The following CACNA2D3 variants were observed in gnomAD, a reference collection of about 807,000 sequenced individuals.
CACNA2D3 encodes the protein calcium voltage-gated channel auxiliary subunit alpha2delta 3.
Under a neutral mutation model 160.6 loss-of-function variants are expected in CACNA2D3, and 60 were observed. That is an observed-to-expected ratio of 0.37 (90% CI 0.30 to 0.46). The LOEUF is 0.46. Among genes scored for constraint, CACNA2D3 ranks in the 20% least tolerant of loss-of-function variants. The pLI is 1.00. For synonymous variants in CACNA2D3, 558 were observed against 492.9 expected (o/e 1.13, Z -1.75); for missense variants, 1,205 against 1,365.0 (o/e 0.88, Z 1.85).
At chr3:54,763,812 C>CAT (rs10606589) in intron 12 of CACNA2D3, among the ~76,000 whole-genome samples, 5 of 41,864 alleles carry the variant, frequency 1.2e-4, no homozygotes, top group East Asian at 1.4e-3. Context: ...CATATATATA[C>CAT]ATATATATAT....
At chr3:54,948,227 A>G (rs577517737) in intron 27 of CACNA2D3, among the ~76,000 whole-genome samples, 1 of 152,312 alleles carries the variant, frequency 6.6e-6, no homozygotes, top group East Asian at 1.9e-4. Context: ...TTGACTAGAA[A>G]AGTATGTGTG....
chr3:54,205,322 A>G (rs114310943), intron 2 of CACNA2D3, among the ~76,000 whole-genome samples: 3,811 of 152,176 alleles, frequency 0.025, 67 homozygotes, highest in Middle Eastern at 0.041. Context: ...CGAACTCCTG[A>G]CCTCAGGTGA....
intron 35 of CACNA2D3, among the ~76,000 whole-genome samples, chr3:55,066,552 T>C (rs1704640314): frequency 1.3e-5 from 2 of 152,130 alleles, no homozygotes; most frequent in African/African-American, 4.8e-5. Flanking sequence ...GTGATCGCTT[T>C]CATCATTTGC....
At chr3:54,402,391 C>G (rs1699484586) in intron 4 of CACNA2D3, among the ~76,000 whole-genome samples, 1 of 151,996 alleles carries the variant, frequency 6.6e-6, no homozygotes, top group Non-Finnish European at 1.5e-5. Context: ...ACAAGAAACC[C>G]ACTTTAGCCT....
chr3:54,966,754 G>A (rs1702160492), intron 27 of CACNA2D3, among the ~76,000 whole-genome samples: 1 of 152,144 alleles, frequency 6.6e-6, no homozygotes, highest in Non-Finnish European at 1.5e-5. Flanking sequence ...GGGAAGCAGA[G>A]GTTGCAGTGA....
chr3:54,141,538 G>T (rs1170526001), intron 2 of CACNA2D3, among the ~76,000 whole-genome samples: 1 of 152,174 alleles, frequency 6.6e-6, no homozygotes, highest in Non-Finnish European at 1.5e-5. Context: ...GAGGCAGAGG[G>T]GCTGAAGTGT....
intron 27 of CACNA2D3, among the ~76,000 whole-genome samples, chr3:54,937,344 C>G (rs1701355926): frequency 6.6e-6 from 1 of 152,168 alleles, no homozygotes; most frequent in Admixed American, 6.5e-5. Context: ...ATTCATTATA[C>G]CACTATGCAA....
rs150955687 is a variant in CACNA2D3, at chr3:54,168,742, G to A, written c.204+45148G>A. ...AATGAATTAACAACTGATGCAAATG[G>A]GAGAGATGGAAGGCCCCTTTAGGTG... On this transcript the variant is annotated intron_variant, in intron 2 of 37. Transcript: ENST00000474759. Among the ~76,000 whole-genome samples, 233 of 152,284 alleles carry A rather than the reference G, an allele frequency of 1.5e-3. 3 individuals are homozygous for A. The highest frequency in any genetic ancestry group is 5.4e-3 in the African/African-American group (223 of 41,540).
At chr3:54,253,836 C>T (rs1386473550) in intron 2 of CACNA2D3, among the ~76,000 whole-genome samples, 10 of 152,062 alleles carry the variant, frequency 6.6e-5, no homozygotes, top group East Asian at 1.9e-4. Flanking sequence ...GGCACCATCT[C>T]GGCTCGCTGC....
intron 23 of CACNA2D3, among the ~76,000 whole-genome samples, chr3:54,886,780 A>G (rs369103694): frequency 2.0e-5 from 3 of 152,020 alleles, no homozygotes; most frequent in South Asian, 2.1e-4. Flanking sequence ...ATGTACTACA[A>G]CTTGTGTTTT....
chr3:55,017,799 C>G (rs1428961762), intron 34 of CACNA2D3, among the ~76,000 whole-genome samples: 1 of 152,188 alleles, frequency 6.6e-6, no homozygotes, highest in East Asian at 1.9e-4. Flanking sequence ...AATTTTCTTT[C>G]TATAATAAAA....
chr3:54,926,450 C>T (rs1341477077), intron 27 of CACNA2D3, among the ~76,000 whole-genome samples: 2 of 150,930 alleles, frequency 1.3e-5, no homozygotes. Flanking sequence ...CTCCACTTTT[C>T]CTCCCTCCAG....
At chr3:54,765,066 A>G (rs2107100592) in intron 13 of CACNA2D3, among the ~76,000 whole-genome samples, 1 of 152,312 alleles carries the variant, frequency 6.6e-6, no homozygotes, top group Middle Eastern at 3.4e-3. Flanking sequence ...GTGTTCTCAC[A>G]GGGCCTCTCT....
intron 11 of CACNA2D3, among the ~76,000 whole-genome samples, chr3:54,725,323 C>T (rs1701255847): frequency 1.3e-5 from 2 of 152,176 alleles, no homozygotes; most frequent in African/African-American, 4.8e-5. Context: ...CAGCCAAATT[C>T]TACCAGAGGT....
chr3:54,257,497 T>C (rs9864201), intron 2 of CACNA2D3, among the ~76,000 whole-genome samples: 57,725 of 152,000 alleles, frequency 0.38, 11,766 homozygotes, highest in Middle Eastern at 0.49. Context: ...TATTTTTTTT[T>C]CCCTACGCTT....
chr3:54,728,685 G>T (rs564692554), intron 11 of CACNA2D3, among the ~76,000 whole-genome samples: 2 of 152,120 alleles, frequency 1.3e-5, no homozygotes, highest in African/African-American at 2.4e-5. Context: ...ATCCTGTGGC[G>T]GGCAAATAGA....
chr3:54,462,110 G>A (rs951028669), intron 4 of CACNA2D3, among the ~76,000 whole-genome samples: 2 of 152,100 alleles, frequency 1.3e-5, no homozygotes, highest in African/African-American at 4.8e-5. Context: ...TTAATCTTGA[G>A]TTCTAGTTTG....
chr3:54,640,154 G>A (rs1173107391), intron 10 of CACNA2D3, among the ~76,000 whole-genome samples: 12 of 152,176 alleles, frequency 7.9e-5, no homozygotes, highest in Non-Finnish European at 1.5e-4. Context: ...GGGCGTGTAC[G>A]TGCATGTCAT....
rs1454029064 is a variant in CACNA2D3 at position 54,748,720 on chromosome 3, C to T, written c.1168-3879C>T. ...AGCACCTTCCCATGGTTGTCTGTGC[C>T]GTGCACCTGGCCTTCAGGACCACCC... On this transcript the variant is annotated intron_variant, in intron 11 of 37. Coordinates refer to ENST00000474759, the MANE Select transcript of CACNA2D3 (RefSeq NM_018398.3). Among the ~76,000 whole-genome samples the T allele has an allele frequency of 3.9e-5, 6 of 152,222 alleles. No homozygotes were observed. The South Asian group carries it at 6.2e-4, about 16-fold the overall frequency.
Sources: gnomAD v4.1 joint callset for allele counts (sites outside exome capture counted in the v4.1 genomes callset) on GRCh38, gnomAD v4.1.1 for gene constraint, MANE v1.5 for transcripts, NCBI Gene and HGNC (gene_info 2026-07-23, HGNC 2026-07-21) for gene names.